The following TMEM9 variants were observed in gnomAD, a reference collection of about 807,000 sequenced individuals.
The protein encoded by TMEM9 is proton-transporting V-type ATPase complex assembly regulator TMEM9.
Under a neutral mutation model 22.8 loss-of-function variants are expected in TMEM9, and 13 were observed. The ratio of observed to expected loss-of-function variants is 0.57; its 90% CI spans 0.37 to 0.91. The LOEUF is 0.91. TMEM9 is among the 40% of genes least tolerant of loss of function. TMEM9 has a pLI of 0.01. For missense variants in TMEM9, 182 were observed against 238.1 expected, an observed-to-expected ratio of 0.76 and a Z score of 1.55; for synonymous variants, 88 against 93.0, an observed-to-expected ratio of 0.95 and a Z score of 0.31.
intron 1 of TMEM9, among the ~76,000 whole-genome samples, chr1:201,160,834 G>A (rs1449501866): frequency 6.6e-6 from 1 of 151,846 alleles, no homozygotes; most frequent in East Asian, 1.9e-4. Context: ...TACTGCGGAG[G>A]CTGAGGCAGG....
chr1:201,160,901 A>G (rs370109355), intron 1 of TMEM9, among the ~76,000 whole-genome samples: 1 of 150,640 alleles, frequency 6.6e-6, no homozygotes, highest in African/African-American at 2.4e-5. Flanking sequence ...ATGCCACTGC[A>G]CTCCAGCCTG....
At chr1:201,135,927 T>TCCCAGTCTG in intron 4 of TMEM9, 112 bp from the exon 5 acceptor site, 1 of 1,145,324 alleles carries the variant, frequency 8.7e-7, no homozygotes, top group Non-Finnish European at 1.2e-6. Flanking sequence ...TTCCCCAGAC[T>TCCCAGTCTG]GGGAGGCTGG....
At chr1:201,153,638 A>T in intron 1 of TMEM9, 1 of 980,812 alleles carries the variant, frequency 1.0e-6, no homozygotes, top group Non-Finnish European at 1.5e-6. Context: ...GATCAGAGTG[A>T]GCCAGTGCTC....
chr1:201,144,162 T>G (rs986810126), intron 3 of TMEM9: 11 of 534,494 alleles, frequency 2.1e-5, no homozygotes, highest in Admixed American at 9.4e-5. Flanking sequence ...CTGTCCTAAC[T>G]TGAGGGAGTC....
At chr1:201,146,941 T>C (rs907636048) in intron 2 of TMEM9, 93 bp from the exon 3 acceptor site, 4 of 1,156,980 alleles carry the variant, frequency 3.5e-6, no homozygotes, top group South Asian at 1.3e-5. Context: ...AGCTGAGAGG[T>C]AGGGGCTAGG....
intron 1 of TMEM9, among the ~76,000 whole-genome samples, chr1:201,159,944 G>T (rs1223400376): frequency 3.3e-5 from 5 of 152,080 alleles, no homozygotes; most frequent in Non-Finnish European, 7.3e-5. Context: ...TACATGTTCT[G>T]CTCCCTCTGT....
upstream of TMEM9, among the ~76,000 whole-genome samples, chr1:201,155,992 A>G (rs889219191): frequency 5.3e-5 from 8 of 152,168 alleles, no homozygotes; most frequent in Admixed American, 4.6e-4. Flanking sequence ...TCGTGGGGGC[A>G]GAAGGGATAG....
At position 201,170,030 on chromosome 1, in the gene TMEM9, A is replaced by G. The variant is rs554518405; in HGVS notation, c.-37+1460T>C. On this transcript the variant is annotated intron_variant, in intron 1 of 5. Coordinates refer to the TMEM9 transcript ENST00000367333. ...CAGAAACTGACCGTTTAAGGAAAAA[A>G]AAAGAGTTTGTTGGAAAGAAGTGGG... Among the ~76,000 whole-genome samples the G allele has an allele frequency of 5.3e-5, 8 of 152,338 alleles. No homozygotes were observed. The East Asian group carries it at 1.5e-3, about 29-fold the overall frequency.
At position 201,165,089 on chromosome 1, in the gene TMEM9, T is replaced by C. The variant is rs1172526948; in HGVS notation, c.-37+6401A>G. Among the ~76,000 whole-genome samples, 4 of 150,746 alleles carry C rather than the reference T, an allele frequency of 2.7e-5. No individual in the cohort carries two copies. The East Asian group carries it at 7.8e-4, about 29-fold the overall frequency. On this transcript the variant is annotated intron_variant, in intron 1 of 5. Transcript: ENST00000367333. ...TGGGTAACTTGTTTTTTATTTTACT[T>C]TTCCAGTAAAATTTTTCTTTAATGA...
chr1:201,146,010 G>T (rs375412796), intron 3 of TMEM9, among the ~76,000 whole-genome samples: 4 of 152,222 alleles, frequency 2.6e-5, no homozygotes, highest in East Asian at 3.8e-4. Context: ...TGAGTACTGT[G>T]TGTGCCAGGT....
rs1002492230 is a variant in TMEM9, at chr1:201,151,775, T to C, written c.144A>G (p.Val48=). ...NISGHIYNQN[V]SQKDCNCLHV... ...TAATGCCTTACCAGTCCTTCTGGGA[T>C]ACATTCTGGTTGTAAATGTGCCCAC... Residue 48 remains valine (V), a synonymous_variant, in exon 2 of 5, where the codon GTA becomes GTG. Transcript: ENST00000367330. The C allele has an allele frequency of 6.2e-7, 1 of 1,613,830 alleles. No individual in the cohort carries two copies.
intron 4 of TMEM9, among the ~76,000 whole-genome samples, chr1:201,143,282 T>C (rs1226899758): frequency 6.6e-6 from 1 of 152,194 alleles, no homozygotes; most frequent in East Asian, 1.9e-4. Context: ...ACCCTATCCT[T>C]GCAACGCTCA....
upstream of TMEM9, among the ~76,000 whole-genome samples, chr1:201,157,168 G>A (rs1268559443): frequency 2.0e-5 from 3 of 152,188 alleles, no homozygotes; most frequent in Non-Finnish European, 2.9e-5. Context: ...TGAGCTAGTG[G>A]GGAGGCAGTA....
At chr1:201,155,250 CT>C (rs1665751907), upstream of TMEM9, among the ~76,000 whole-genome samples, 1 of 149,210 alleles carries the variant, frequency 6.7e-6, no homozygotes, top group Admixed American at 6.8e-5. Context: ...TGGGCCTCAG[CT>C]TCCCTTACTT....
At chr1:201,168,169 C>T (rs1299880125) in intron 1 of TMEM9, among the ~76,000 whole-genome samples, 2 of 152,168 alleles carry the variant, frequency 1.3e-5, no homozygotes, top group Non-Finnish European at 1.5e-5. Context: ...TCTATTGCAG[C>T]TGGACATTTG....
rs900204093 is a variant in TMEM9 at position 201,151,811 on chromosome 1, A to G, written c.108T>C (p.Tyr36=). Residue 36 remains tyrosine (Y), a synonymous_variant, in exon 2 of 5, where the codon TAT becomes TAC. Coordinates refer to ENST00000367330, the MANE Select transcript of TMEM9 (RefSeq NM_001288565.2). ...DIRCKCICPP[Y]RNISGHIYNQ... ...TGTAAATGTGCCCACTGATGTTTCT[A>G]TAAGGTGGACAGATGCATTTGCACC... 1.9e-6 allele frequency: 3 copies of G among 1,613,966 alleles called. No individual in the cohort carries two copies. Among genetic ancestry groups the G allele is most frequent in the Non-Finnish European group, 1.7e-6 (2 of 1,180,030 alleles).
chr1:201,169,701 T>C (rs564030827), intron 1 of TMEM9, among the ~76,000 whole-genome samples: 97 of 152,344 alleles, frequency 6.4e-4, no homozygotes, highest in African/African-American at 2.2e-3. Flanking sequence ...CACACATTTT[T>C]TTTTTGGATG....
chr1:201,135,098 C>T lies in TMEM9; in HGVS notation c.*565G>A, dbSNP rs1470800811. ...ACAGGGGACAGCGAACACCAGCTTC[C>T]AGTGCACCCTGAAGACCCAGTGGGC... On this transcript the variant is annotated 3_prime_UTR_variant, in exon 5 of 5. Transcript: ENST00000367330. 6.5e-6 allele frequency: 1 copy of T among 152,882 alleles called. No homozygotes were observed. The highest frequency in any genetic ancestry group is 1.5e-5 in the Non-Finnish European group (1 of 68,194). 9.5% of individuals were successfully genotyped at this position (152,882 alleles called of 1,614,324 possible). A position where few individuals can be genotyped will look rare whatever the true frequency, so the allele number is the denominator to read the frequency against.
At chr1:201,151,308 T>C (rs1665408835) in intron 2 of TMEM9, among the ~76,000 whole-genome samples, 1 of 152,224 alleles carries the variant, frequency 6.6e-6, no homozygotes, top group African/African-American at 2.4e-5. Flanking sequence ...CTCTAAATTA[T>C]TTCTTTGGGC....
Sources: gnomAD v4.1 joint callset for allele counts (sites outside exome capture counted in the v4.1 genomes callset) on GRCh38, gnomAD v4.1.1 for gene constraint, MANE v1.5 for transcripts, NCBI Gene and HGNC (gene_info 2026-07-23, HGNC 2026-07-21) for gene names.